The following ZFAND3 variants were observed in gnomAD, a reference collection of about 807,000 sequenced individuals.
The protein encoded by ZFAND3 is zinc finger AN1-type containing 3.
ZFAND3 carries 10 observed loss-of-function variants against 29.6 expected under a neutral mutation model. The observed-to-expected ratio is 0.34, with a 90% confidence interval of 0.21 to 0.57. The LOEUF (loss-of-function observed/expected upper bound fraction) is 0.57, where lower values mean the gene tolerates loss of function less well. ZFAND3 is among the 20% of genes least tolerant of loss of function. The pLI is 0.86. For missense variants in ZFAND3, 230 were observed against 304.5 expected (o/e 0.76, Z 1.82); for synonymous variants, 128 against 112.6 (o/e 1.14, Z -0.87).
chr6:37,889,168 T>G (rs1274134084), intron 1 of ZFAND3, among the ~76,000 whole-genome samples: 2 of 152,160 alleles, frequency 1.3e-5, no homozygotes, highest in Non-Finnish European at 2.9e-5. Context: ...GAGCATGCCC[T>G]CCTCAAATGA....
At chr6:37,935,005 G>C (rs894832467) in intron 2 of ZFAND3, among the ~76,000 whole-genome samples, 4 of 151,988 alleles carry the variant, frequency 2.6e-5, no homozygotes, top group African/African-American at 9.7e-5. Flanking sequence ...ACATTTGTTT[G>C]GAAATGTGGA....
At chr6:37,936,587 TGCTATCACGTG>T (rs1435057863) in intron 2 of ZFAND3, among the ~76,000 whole-genome samples, 1 of 152,234 alleles carries the variant, frequency 6.6e-6, no homozygotes, top group Non-Finnish European at 1.5e-5. Flanking sequence ...TTAAGAAATT[TGCTATCACGTG>T]GTTCACATAT....
intron 2 of ZFAND3, among the ~76,000 whole-genome samples, chr6:38,026,010 A>G (rs751338627): frequency 6.6e-6 from 1 of 152,202 alleles, no homozygotes; most frequent in Non-Finnish European, 1.5e-5. Context: ...CTATTGAACT[A>G]TTGAATTGTA....
At position 37,951,071 on chromosome 6, in the gene ZFAND3, G is replaced by C. The variant is rs1161268743; in HGVS notation, c.112+21072G>C. 2.0e-5 allele frequency among the ~76,000 whole-genome samples: 3 copies of C among 152,088 alleles called. No individual in the cohort carries two copies. In the East Asian group the frequency reaches 5.8e-4, roughly 29 times the overall value. On this transcript the variant is annotated intron_variant, in intron 2 of 5. Transcript: ENST00000287218. ...GCAGTGTTTTATAATTCTTGTTGTA[G>C]AGATCTTTCACCTCCCTGGTTAGCT...
At chr6:38,029,334 G>A (rs865972151) in intron 2 of ZFAND3, among the ~76,000 whole-genome samples, 8 of 152,130 alleles carry the variant, frequency 5.3e-5, no homozygotes, top group African/African-American at 1.7e-4. Context: ...TTGGATTTCA[G>A]GAAGAATAGC....
At chr6:37,845,086 T>C (rs138881036) in intron 1 of ZFAND3, among the ~76,000 whole-genome samples, 23 of 151,332 alleles carry the variant, frequency 1.5e-4, no homozygotes, top group African/African-American at 4.1e-4. Context: ...GAGACTGGCA[T>C]AGCATCACTT....
intron 4 of ZFAND3, among the ~76,000 whole-genome samples, chr6:38,085,594 T>C (rs1435609371): frequency 6.6e-6 from 1 of 152,154 alleles, no homozygotes; most frequent in East Asian, 1.9e-4. Context: ...CATATACTTT[T>C]ATTTATTTAT....
At chr6:38,144,196 T>TTATATATATA (rs1766033702) in intron 5 of ZFAND3, among the ~76,000 whole-genome samples, 1 of 41,090 alleles carries the variant, frequency 2.4e-5, no homozygotes, top group African/African-American at 1.1e-4. Context: ...TATATATATA[T>TTATATATATA]ATATATATAT....
intron 1 of ZFAND3, among the ~76,000 whole-genome samples, chr6:37,893,621 T>G (rs1360716202): frequency 6.6e-6 from 1 of 152,178 alleles, no homozygotes; most frequent in Non-Finnish European, 1.5e-5. Context: ...TGGCACAATC[T>G]CGGCTCACTG....
intron 4 of ZFAND3, among the ~76,000 whole-genome samples, chr6:38,089,502 T>A (rs1238847351): frequency 2.0e-5 from 3 of 152,192 alleles, no homozygotes; most frequent in African/African-American, 7.2e-5. Flanking sequence ...ACCCCCTTCA[T>A]CTGGAAGTTA....
At chr6:37,847,466 T>G (rs1764202559) in intron 1 of ZFAND3, among the ~76,000 whole-genome samples, 1 of 152,096 alleles carries the variant, frequency 6.6e-6, no homozygotes, top group African/African-American at 2.4e-5. Context: ...CCCAGCTACT[T>G]GGGAGGCTGA....
chr6:37,902,626 A>G (rs560138169), intron 1 of ZFAND3, among the ~76,000 whole-genome samples: 1 of 152,272 alleles, frequency 6.6e-6, no homozygotes, highest in East Asian at 1.9e-4. Flanking sequence ...TCTGTTTCCA[A>G]TAGCTGTAAT....
At chr6:37,902,496 C>A (rs544692344) in intron 1 of ZFAND3, among the ~76,000 whole-genome samples, 1 of 151,738 alleles carries the variant, frequency 6.6e-6, no homozygotes, top group African/African-American at 2.4e-5. Context: ...TCTCAAAACA[C>A]CACCACCACC....
Position 38,047,325 on chromosome 6 carries a change from A to AAAAG in ZFAND3, c.113-14264_113-14261dup, listed in dbSNP as rs1554169614. On this transcript the variant is annotated intron_variant, in intron 2 of 5. Coordinates refer to ENST00000287218, the MANE Select transcript of ZFAND3 (RefSeq NM_021943.3). The stretch of plus-strand genomic sequence containing the variant: ...GGGAGACTCTGTCTCAAAAAAAAAA[A>AAAAG]AAAGAAAAGAAATATTACTTCTTTC... Among the ~76,000 whole-genome samples, 475 of 151,734 alleles carry AAAAG rather than the reference A, an allele frequency of 3.1e-3. 3 individuals are homozygous for AAAAG. Among genetic ancestry groups the AAAAG allele is most frequent in the African/African-American group, 0.011 (446 of 41,378 alleles).
intron 1 of ZFAND3, among the ~76,000 whole-genome samples, chr6:37,839,337 T>C (rs963733732): frequency 2.0e-5 from 3 of 146,404 alleles, no homozygotes. Context: ...CGTGCCACCA[T>C]GCCTAGCTAA....
chr6:37,935,330 TTGATAA>T (rs1237393114), intron 2 of ZFAND3, among the ~76,000 whole-genome samples: 2 of 152,200 alleles, frequency 1.3e-5, no homozygotes, highest in African/African-American at 2.4e-5. Flanking sequence ...TCTTACCCCC[TTGATAA>T]TATTCTACCT....
intron 1 of ZFAND3, among the ~76,000 whole-genome samples, chr6:37,830,605 T>C (rs1763842423): frequency 6.6e-6 from 1 of 152,238 alleles, no homozygotes; most frequent in Non-Finnish European, 1.5e-5. Context: ...GCTAAGACCA[T>C]AGATACCTTC....
At chr6:38,132,193 G>A (rs1765755248) in intron 5 of ZFAND3, among the ~76,000 whole-genome samples, 1 of 152,168 alleles carries the variant, frequency 6.6e-6, no homozygotes, top group Non-Finnish European at 1.5e-5. Flanking sequence ...ACCTGTGTTT[G>A]TATTAGTACT....
chr6:38,068,076 A>G (rs1280357436), intron 3 of ZFAND3, among the ~76,000 whole-genome samples: 3 of 152,180 alleles, frequency 2.0e-5, no homozygotes, highest in African/African-American at 7.2e-5. Flanking sequence ...GTTAGAGAGT[A>G]CCTATCTCAT....
Sources: gnomAD v4.1 joint callset for allele counts (sites outside exome capture counted in the v4.1 genomes callset) on GRCh38, gnomAD v4.1.1 for gene constraint, MANE v1.5 for transcripts, NCBI Gene and HGNC (gene_info 2026-07-23, HGNC 2026-07-21) for gene names.